Variants in CFAP95 observed in about 807,000 individuals in gnomAD.
CFAP95 encodes cilia and flagella associated protein 95, also known as cilia- and flagella-associated protein 95.
chr9:69,863,562 C>A, the CFAP95 span, among the ~76,000 whole-genome samples: 1 of 152,254 alleles, frequency 6.6e-6, no homozygotes, highest in South Asian at 2.1e-4. Context: ...CCCAGTATAT[C>A]TGATTATTTA....
chr9:69,895,369 C>CTCTGTGTGTGTGTGTG, the CFAP95 span, among the ~76,000 whole-genome samples: 63 of 107,910 alleles, frequency 5.8e-4, no homozygotes, highest in South Asian at 2.8e-3. Flanking sequence ...CTCTCTCTCT[C>CTCTGTGTGTGTGTGTG]TGTGTGTGTG....
At chr9:69,858,040 C>T in the CFAP95 span, 1 of 1,515,024 alleles carries the variant, frequency 6.6e-7, no homozygotes, top group Non-Finnish European at 9.2e-7. Context: ...GGTTTGTTTG[C>T]AGGGGCAAAG....
the CFAP95 span, among the ~76,000 whole-genome samples, chr9:69,843,555 CTCCTTCT>C: frequency 1.9e-4 from 5 of 26,030 alleles, 1 homozygote; most frequent in South Asian, 7.1e-3. Context: ...CCTCCTCCTC[CTCCTTCT>C]TCTTCTTCTT....
the CFAP95 span, among the ~76,000 whole-genome samples, chr9:69,894,646 C>T: frequency 6.6e-5 from 10 of 152,176 alleles, no homozygotes; most frequent in East Asian, 3.9e-4. Context: ...TAATAACACA[C>T]CATGTAAGTG....
At chr9:69,890,506 C>T in the CFAP95 span, among the ~76,000 whole-genome samples, 2 of 152,168 alleles carry the variant, frequency 1.3e-5, no homozygotes, top group African/African-American at 4.8e-5. Flanking sequence ...ATTATAATAA[C>T]AGTGGATAGT....
the CFAP95 span, chr9:69,905,911 A>T: frequency 7.4e-7 from 1 of 1,359,828 alleles, no homozygotes; most frequent in Non-Finnish European, 9.8e-7. Flanking sequence ...TTCTTTTTAC[A>T]TACTTCAGTT....
chr9:69,853,774 T>C, the CFAP95 span, among the ~76,000 whole-genome samples: 1 of 152,220 alleles, frequency 6.6e-6, no homozygotes, highest in South Asian at 2.1e-4. Context: ...GTCTGGAGGA[T>C]AGCAGGACTG....
chr9:69,839,273 C>T, the CFAP95 span, among the ~76,000 whole-genome samples: 3 of 143,816 alleles, frequency 2.1e-5, no homozygotes, highest in East Asian at 2.1e-4. Context: ...AGGATTCCCT[C>T]TTTTTCTCTT....
At chr9:69,842,649 G>A in the CFAP95 span, among the ~76,000 whole-genome samples, 1 of 152,180 alleles carries the variant, frequency 6.6e-6, no homozygotes, top group African/African-American at 2.4e-5. Flanking sequence ...ATGTGAAAAT[G>A]GAAGCACAGA....
the CFAP95 span, among the ~76,000 whole-genome samples, chr9:69,845,027 A>T: frequency 2.0e-5 from 3 of 152,052 alleles, no homozygotes; most frequent in African/African-American, 7.2e-5. Flanking sequence ...AGACTAAGCA[A>T]CTTACTCAAA....
the CFAP95 span, among the ~76,000 whole-genome samples, chr9:69,900,506 A>G: frequency 6.6e-6 from 1 of 152,192 alleles, no homozygotes; most frequent in Non-Finnish European, 1.5e-5. Flanking sequence ...AACTTTATAG[A>G]CATTGTAACT....
chr9:69,822,720 A>G, the CFAP95 span, among the ~76,000 whole-genome samples: 3 of 152,194 alleles, frequency 2.0e-5, no homozygotes, highest in African/African-American at 7.2e-5. Context: ...AAAACCACAG[A>G]AGAACACAAA....
At chr9:69,904,304 A>G in the CFAP95 span, among the ~76,000 whole-genome samples, 5 of 152,174 alleles carry the variant, frequency 3.3e-5, no homozygotes, top group South Asian at 2.1e-4. Flanking sequence ...AAGTTGTACA[A>G]TATGTGGTTT....
At chr9:69,846,404 C>G in the CFAP95 span, among the ~76,000 whole-genome samples, 1 of 152,130 alleles carries the variant, frequency 6.6e-6, no homozygotes, top group African/African-American at 2.4e-5. Context: ...CTCCACCTGC[C>G]AGATTTGGAA....
At chr9:69,866,794 T>A in the CFAP95 span, among the ~76,000 whole-genome samples, 1 of 152,216 alleles carries the variant, frequency 6.6e-6, no homozygotes, top group Non-Finnish European at 1.5e-5. Context: ...ATTTTGAAAT[T>A]TCTCAAATCA....
At chr9:69,850,196 A>C in the CFAP95 span, among the ~76,000 whole-genome samples, 1 of 152,262 alleles carries the variant, frequency 6.6e-6, no homozygotes, top group South Asian at 2.1e-4. Flanking sequence ...ATGCTGTGTC[A>C]TAGAAGCTGA....
At chr9:69,895,001 A>G in the CFAP95 span, among the ~76,000 whole-genome samples, 28 of 78,636 alleles carry the variant, frequency 3.6e-4, no homozygotes, top group Middle Eastern at 0.027. Context: ...AAAAAAAAAG[A>G]AAAAAAAAAA....
the CFAP95 span, among the ~76,000 whole-genome samples, chr9:69,896,203 T>C: frequency 7.2e-5 from 11 of 152,162 alleles, no homozygotes; most frequent in Non-Finnish European, 1.2e-4. Flanking sequence ...TCACATAATA[T>C]AGACTGAAGA....
the CFAP95 span, chr9:69,844,485 A>C: frequency 1.4e-6 from 2 of 1,398,188 alleles, no homozygotes; most frequent in Non-Finnish European, 2.0e-6. Flanking sequence ...AATAAACTAC[A>C]TCTCTTAACG....
Sources: gnomAD v4.1 joint callset for allele counts (sites outside exome capture counted in the v4.1 genomes callset) on GRCh38, gnomAD v4.1.1 for gene constraint, MANE v1.5 for transcripts, NCBI Gene and HGNC (gene_info 2026-07-23, HGNC 2026-07-21) for gene names.